ERBB4: variants seen among roughly 807,000 people sequenced by gnomAD.
The protein encoded by ERBB4 is erb-b2 receptor tyrosine kinase 4.
A neutral mutation model predicts 158.0 loss-of-function variants in ERBB4; 42 were observed. That is an observed-to-expected ratio of 0.27 (90% CI 0.21 to 0.34). ERBB4 has a LOEUF of 0.34. Ranked by LOEUF, ERBB4 falls within the 10% of genes least tolerant of loss-of-function variation. ERBB4 has a pLI of 1.00. For missense variants in ERBB4, 1,333 were observed against 1,624.1 expected (o/e 0.82, Z 3.08); for synonymous variants, 583 against 558.7 (o/e 1.04, Z -0.61).
chr2:211,983,287 G>C (rs2081854205), intron 2 of ERBB4, among the ~76,000 whole-genome samples: 1 of 152,126 alleles, frequency 6.6e-6, no homozygotes, highest in South Asian at 2.1e-4. Flanking sequence ...AAGAAGGAAA[G>C]GAAACCCTGG....
chr2:211,402,564 G>T (rs2063067545), intron 25 of ERBB4, among the ~76,000 whole-genome samples: 1 of 151,960 alleles, frequency 6.6e-6, no homozygotes, highest in Non-Finnish European at 1.5e-5. Context: ...ATTTCCAAGA[G>T]AGTTTGACAC....
At chr2:211,875,471 C>A (rs929404026) in intron 3 of ERBB4, among the ~76,000 whole-genome samples, 1 of 152,016 alleles carries the variant, frequency 6.6e-6, no homozygotes, top group Non-Finnish European at 1.5e-5. Context: ...AAACAAGTAC[C>A]CAAATACAGT....
chr2:212,104,452 A>C (rs752786984), intron 2 of ERBB4, among the ~76,000 whole-genome samples: 2 of 152,150 alleles, frequency 1.3e-5, no homozygotes, highest in African/African-American at 2.4e-5. Context: ...TTCACCTGAA[A>C]TTCACCATAT....
At chr2:212,474,500 A>G (rs1689275531) in intron 1 of ERBB4, among the ~76,000 whole-genome samples, 1 of 152,090 alleles carries the variant, frequency 6.6e-6, no homozygotes, top group South Asian at 2.1e-4. Context: ...ATAACGTGGC[A>G]CAGAAACAAC....
At position 211,999,330 on chromosome 2, in the gene ERBB4, A is replaced by G. The variant is rs548750825; in HGVS notation, c.235-51714T>C. Among the ~76,000 whole-genome samples the G allele has an allele frequency of 4.6e-5, 7 of 151,902 alleles. No individual in the cohort carries two copies. The South Asian group carries it at 1.5e-3, about 31-fold the overall frequency. On this transcript the variant is annotated intron_variant, in intron 2 of 27. Transcript: ENST00000342788. Reference sequence around the variant, plus strand: ...ATCAATCAATTTTTTGCCAGTTCTCATATTTGCATTTTTAGAATTCATGCT... The same window carrying G: ...ATCAATCAATTTTTTGCCAGTTCTCGTATTTGCATTTTTAGAATTCATGCT...
At chr2:212,471,874 A>C (rs562039374) in intron 1 of ERBB4, among the ~76,000 whole-genome samples, 25 of 152,008 alleles carry the variant, frequency 1.6e-4, no homozygotes, top group Admixed American at 7.9e-4. Flanking sequence ...CAAATTATCC[A>C]GTCAGTTAAC....
chr2:211,925,529 C>A (rs895385120), intron 3 of ERBB4, among the ~76,000 whole-genome samples: 2 of 151,514 alleles, frequency 1.3e-5, no homozygotes, highest in African/African-American at 4.8e-5. Context: ...TTACAGGCAC[C>A]CGCCACACCT....
chr2:212,522,673 C>A (rs1167377093), intron 1 of ERBB4, among the ~76,000 whole-genome samples: 5 of 151,948 alleles, frequency 3.3e-5, no homozygotes. Flanking sequence ...TACCTTTATT[C>A]ATTGCCTCCT....
intron 1 of ERBB4, among the ~76,000 whole-genome samples, chr2:212,367,236 A>C (rs1242323599): frequency 6.6e-6 from 1 of 152,062 alleles, no homozygotes; most frequent in Admixed American, 6.6e-5. Flanking sequence ...ACTCTGAGAA[A>C]ATACATTTCT....
chr2:212,239,401 T>C (rs1170960625), intron 1 of ERBB4, among the ~76,000 whole-genome samples: 1 of 152,004 alleles, frequency 6.6e-6, no homozygotes, highest in Non-Finnish European at 1.5e-5. Context: ...ATTTCTGACA[T>C]GGTTGTGTGA....
intron 1 of ERBB4, among the ~76,000 whole-genome samples, chr2:212,401,387 C>G (rs2091199122): frequency 6.6e-6 from 1 of 152,082 alleles, no homozygotes; most frequent in African/African-American, 2.4e-5. Flanking sequence ...TGACTGGCCT[C>G]TAAATAAATG....
chr2:212,489,286 G>A (rs1690145961), intron 1 of ERBB4, among the ~76,000 whole-genome samples: 1 of 151,854 alleles, frequency 6.6e-6, no homozygotes, highest in African/African-American at 2.4e-5. Context: ...GCTTTTCCCT[G>A]TCAGCTCATT....
intron 2 of ERBB4, among the ~76,000 whole-genome samples, chr2:211,954,283 T>C (rs536685701): frequency 1.3e-5 from 2 of 152,236 alleles, no homozygotes; most frequent in South Asian, 4.1e-4. Flanking sequence ...AATGATTTTA[T>C]GCACATTAAA....
At chr2:211,706,451 C>T (rs367870645) in intron 9 of ERBB4, among the ~76,000 whole-genome samples, 86 of 152,152 alleles carry the variant, frequency 5.7e-4, no homozygotes, top group African/African-American at 1.9e-3. Flanking sequence ...TGTCTGAATC[C>T]ATTGGCATTT....
chr2:211,921,989 T>C (rs1198514960), intron 3 of ERBB4, among the ~76,000 whole-genome samples: 1 of 152,138 alleles, frequency 6.6e-6, no homozygotes, highest in East Asian at 1.9e-4. Flanking sequence ...ATAATATCAA[T>C]GCCTTGACAT....
At chr2:211,550,373 G>GA (rs902382477) in intron 20 of ERBB4, among the ~76,000 whole-genome samples, 7 of 149,012 alleles carry the variant, frequency 4.7e-5, no homozygotes, top group Admixed American at 6.7e-5. Context: ...TTCTAATTTA[G>GA]AAAAAAAAAT....
At chr2:211,726,559 C>A (rs1247645931) in intron 5 of ERBB4, among the ~76,000 whole-genome samples, 1 of 152,132 alleles carries the variant, frequency 6.6e-6, no homozygotes, top group East Asian at 1.9e-4. Flanking sequence ...ATCCTCTTAT[C>A]ATCACTTCTC....
At chr2:212,367,997 G>C (rs2089951017) in intron 1 of ERBB4, among the ~76,000 whole-genome samples, 1 of 152,182 alleles carries the variant, frequency 6.6e-6, no homozygotes, top group Non-Finnish European at 1.5e-5. Context: ...ATGTAAACTA[G>C]TACAGCCACT....
chr2:212,201,813 T>G (rs2082594053), intron 1 of ERBB4, among the ~76,000 whole-genome samples: 1 of 152,218 alleles, frequency 6.6e-6, no homozygotes, highest in African/African-American at 2.4e-5. Flanking sequence ...ATCAATTCTT[T>G]GAGTGTTGTC....
Sources: allele counts gnomAD v4.1 joint callset (sites outside exome capture counted in the v4.1 genomes callset), GRCh38; gene constraint gnomAD v4.1.1; transcripts MANE v1.5; gene names NCBI Gene and HGNC (gene_info 2026-07-23, HGNC 2026-07-21).